TAOK3: variants seen among roughly 807,000 people sequenced by gnomAD.
The protein encoded by TAOK3 is serine/threonine-protein kinase TAO3.
Under a neutral mutation model 120.4 loss-of-function variants are expected in TAOK3, and 40 were observed. That is an observed-to-expected ratio of 0.33 (90% confidence interval 0.26 to 0.43). The LOEUF (loss-of-function observed/expected upper bound fraction) is 0.43. TAOK3 is among the 20% of genes least tolerant of loss of function. The pLI is 1.00. For synonymous variants in TAOK3, 355 were observed against 387.5 expected, an observed-to-expected ratio of 0.92 and a Z score of 0.99; for missense variants, 821 against 1,112.1, an observed-to-expected ratio of 0.74 and a Z score of 3.72.
chr12:118,230,537 T>C (rs2039726436), intron 9 of TAOK3, among the ~76,000 whole-genome samples: 1 of 136,456 alleles, frequency 7.3e-6, no homozygotes, highest in African/African-American at 2.7e-5. Flanking sequence ...AGTGGTGCGA[T>C]CTCTCACTGC....
intron 1 of TAOK3, among the ~76,000 whole-genome samples, chr12:118,307,964 CTT>C (rs150636589): frequency 1.9e-4 from 27 of 142,568 alleles, no homozygotes; most frequent in Non-Finnish European, 2.5e-4. Flanking sequence ...AGTTTGACTA[CTT>C]TTTTTTTTTT....
chr12:118,230,532 T>A (rs1441517834), intron 9 of TAOK3, among the ~76,000 whole-genome samples: 1 of 127,534 alleles, frequency 7.8e-6, no homozygotes, highest in Non-Finnish European at 1.6e-5. Flanking sequence ...AGTGCAGTGG[T>A]GCGATCTCTC....
Position 118,199,197 on chromosome 12 carries a change from T to TG in TAOK3, c.1047dup (p.Ile350HisfsTer35). On this transcript the variant is annotated frameshift_variant, in exon 13 of 21. Transcript: ENST00000392533. LOFTEE classifies it high-confidence loss of function. Reference sequence around the variant, plus strand: ...CCTGTGCTCACGGACATGCTTGGAATGGAATGGTTGCTGCCCAGGCTGTCC... The same window carrying TG: ...CCTGTGCTCACGGACATGCTTGGAATGGGAATGGTTGCTGCCCAGGCTGTCC... 6.2e-7 allele frequency: 1 copy of TG among 1,614,142 alleles called. No homozygotes were observed. Among genetic ancestry groups the TG allele is most frequent in the Non-Finnish European group, 8.5e-7 (1 of 1,180,018 alleles).
At chr12:118,164,276 A>G (rs372252629) in intron 17 of TAOK3, among the ~76,000 whole-genome samples, 10 of 150,810 alleles carry the variant, frequency 6.6e-5, no homozygotes, top group African/African-American at 2.4e-4. Context: ...GCAGGGAGCC[A>G]AGATCGCGCC....
intron 1 of TAOK3, among the ~76,000 whole-genome samples, chr12:118,324,710 TG>T (rs1244884087): frequency 6.6e-6 from 1 of 151,666 alleles, no homozygotes; most frequent in African/African-American, 2.4e-5. Flanking sequence ...TCATCCATGT[TG>T]TTGCAAAGGA....
intron 14 of TAOK3, among the ~76,000 whole-genome samples, chr12:118,182,936 C>G (rs963473500): frequency 1.3e-5 from 2 of 152,066 alleles, no homozygotes; most frequent in African/African-American, 4.8e-5. Flanking sequence ...TTCAGCACCT[C>G]TTGCTCATTT....
At chr12:118,159,845 A>G in intron 19 of TAOK3, 1 of 393,626 alleles carries the variant, frequency 2.5e-6, no homozygotes, top group Non-Finnish European at 4.6e-6. Flanking sequence ...AGTCAGTAAA[A>G]TCTTTCATAA....
intron 5 of TAOK3, among the ~76,000 whole-genome samples, chr12:118,242,796 G>T (rs548307893): frequency 2.6e-5 from 4 of 152,074 alleles, no homozygotes; most frequent in African/African-American, 7.2e-5. Context: ...GGAGGCAGAG[G>T]TTGTAGTCAG....
Position 118,199,238 on chromosome 12 carries a change from C to T in TAOK3, c.1007G>A (p.Ser336Asn). The T allele has an allele frequency of 1.2e-6, 2 of 1,614,050 alleles. No individual in the cohort carries two copies. The highest frequency in any genetic ancestry group is 1.7e-6 in the Non-Finnish European group (2 of 1,179,984). Reference protein sequence around the residue: ...EDEEDSEHGTSLNREMDSLGS... With the variant: ...EDEEDSEHGTNLNREMDSLGS... Reference sequence around the variant, plus strand: ...CAGGCTGTCCATTTCCCTGTTCAGGCTGGTTCCATGTTCACTGTCCTGTAA... The same window carrying T: ...CAGGCTGTCCATTTCCCTGTTCAGGTTGGTTCCATGTTCACTGTCCTGTAA... The change falls in exon 13 of 21, where the codon AGC (serine) becomes AAC (asparagine). Residue 336 changes from serine to asparagine, a missense_variant. Physicochemically the swap from Ser to Asn is conservative, Grantham distance 46. Around this residue, in one of 2 missense-constraint regions of TAOK3, gnomAD observed 467 missense variants for 540.0 expected, o/e 0.86. Transcript: ENST00000392533.
intron 17 of TAOK3, among the ~76,000 whole-genome samples, chr12:118,163,965 G>C (rs1045941388): frequency 6.6e-6 from 1 of 151,942 alleles, no homozygotes; most frequent in African/African-American, 2.4e-5. Flanking sequence ...GCCCGCCTTG[G>C]CCTCTCAAAG....
At chr12:118,351,392 C>A (rs149509988) in intron 1 of TAOK3, among the ~76,000 whole-genome samples, 5 of 152,064 alleles carry the variant, frequency 3.3e-5, no homozygotes, top group Non-Finnish European at 7.3e-5. Context: ...TAGTCCAAGG[C>A]CTGACCCGAG....
intron 9 of TAOK3, among the ~76,000 whole-genome samples, chr12:118,225,959 G>C (rs1229131221): frequency 6.6e-6 from 1 of 152,170 alleles, no homozygotes; most frequent in Non-Finnish European, 1.5e-5. Flanking sequence ...TGTTAAAATG[G>C]GCTGGCATGA....
At chr12:118,310,414 T>C (rs567008329) in intron 1 of TAOK3, among the ~76,000 whole-genome samples, 1 of 152,348 alleles carries the variant, frequency 6.6e-6, no homozygotes, top group East Asian at 1.9e-4. Context: ...TCTTCAAACA[T>C]ATAAACAAGG....
chr12:118,187,097 C>T (rs915351811), intron 14 of TAOK3, among the ~76,000 whole-genome samples: 1 of 152,182 alleles, frequency 6.6e-6, no homozygotes, highest in Non-Finnish European at 1.5e-5. Flanking sequence ...TTAAAATATG[C>T]ATTTCATCAT....
rs78571936 is a variant in TAOK3 at position 118,356,957 on chromosome 12, G to A, written c.-194+15691C>T. 6.9e-3 allele frequency among the ~76,000 whole-genome samples: 1,056 copies of A among 152,256 alleles called. 7 individuals carry two copies. The highest frequency in any genetic ancestry group is 0.012 in the Non-Finnish European group (802 of 68,016). ...AGCAAGCTACTACTTAGATCAGCCA[G>A]TTTAAGACTAACTAGGTTGGTTGGT... On this transcript the variant is annotated intron_variant, in intron 1 of 20. Coordinates refer to ENST00000392533, the MANE Select transcript of TAOK3 (RefSeq NM_016281.4).
intron 9 of TAOK3, among the ~76,000 whole-genome samples, chr12:118,214,593 T>G (rs1300136920): frequency 2.0e-5 from 3 of 151,622 alleles, no homozygotes; most frequent in Non-Finnish European, 3.0e-5. Context: ...TTTTTTTTTT[T>G]TGTGACGGAG....
intron 1 of TAOK3, among the ~76,000 whole-genome samples, chr12:118,319,735 G>A (rs148153757): frequency 9.9e-5 from 15 of 152,150 alleles, no homozygotes; most frequent in South Asian, 2.1e-4. Flanking sequence ...GAACCCTTTC[G>A]CACACTGCTG....
chr12:118,206,234 G>C (rs906385435), intron 11 of TAOK3, among the ~76,000 whole-genome samples: 30 of 152,222 alleles, frequency 2.0e-4, no homozygotes, highest in African/African-American at 7.0e-4. Flanking sequence ...AAGAGAGAAA[G>C]AGCTTGGGTC....
Position 118,371,694 on chromosome 12 carries a change from C to T in TAOK3, c.-194+954G>A, listed in dbSNP as rs2045899233. Among the ~76,000 whole-genome samples the T allele has an allele frequency of 6.6e-6, 1 of 152,108 alleles. No homozygotes were observed. Among genetic ancestry groups the T allele is most frequent in the Admixed American group, 6.5e-5 (1 of 15,268 alleles). On this transcript the variant is annotated intron_variant, in intron 1 of 20. Coordinates refer to ENST00000392533, the MANE Select transcript of TAOK3 (RefSeq NM_016281.4). This position sits in a 1 kb window ranked among gnomAD's most constrained non-coding sequence, Gnocchi z 5.5. Reference sequence around the variant, plus strand: ...CCCGCCGCAGCCGTTCTTGGGGGGGCTCCCGCAACTCAGCGGGCGCGACCC... The same window carrying T: ...CCCGCCGCAGCCGTTCTTGGGGGGGTTCCCGCAACTCAGCGGGCGCGACCC...
Sources: gnomAD v4.1 joint callset for allele counts (sites outside exome capture counted in the v4.1 genomes callset) on GRCh38, gnomAD v4.1.1 for gene constraint, gnomAD v4.1.1 regional missense constraint, Gnocchi (gnomAD v3.1) non-coding constraint, MANE v1.5 for transcripts, NCBI Gene and HGNC (gene_info 2026-07-23, HGNC 2026-07-21) for gene names.